Variants in EYA1 observed in about 807,000 individuals in gnomAD.
EYA1 encodes the protein EYA transcriptional coactivator and phosphatase 1, also known as protein phosphatase EYA1.
In EYA1, 16 loss-of-function variants were observed where a neutral mutation model predicts 82.0. The ratio of observed to expected loss-of-function variants is 0.20; its 90% CI spans 0.13 to 0.30. The LOEUF is 0.30. Among genes scored for constraint, EYA1 ranks in the 10% least tolerant of loss-of-function variants. The pLI, the probability that EYA1 is intolerant of heterozygous loss-of-function variation, is 1.00. For missense variants in EYA1, 633 were observed against 730.7 expected (o/e 0.87, Z 1.54); for synonymous variants, 261 against 264.4 (o/e 0.99, Z 0.12).
intron 2 of EYA1, among the ~76,000 whole-genome samples, chr8:71,462,969 G>A (rs1341816840): frequency 6.6e-6 from 1 of 152,182 alleles, no homozygotes; most frequent in Non-Finnish European, 1.5e-5. Context: ...TAGTAGCCAT[G>A]TTTTAAAAAG....
chr8:71,466,354 C>CT (rs35726467), intron 2 of EYA1, among the ~76,000 whole-genome samples: 3 of 151,002 alleles, frequency 2.0e-5, no homozygotes, highest in African/African-American at 2.4e-5. Flanking sequence ...TTTTGAAAAG[C>CT]TTTTTTTGAA....
chr8:71,415,645 G>A (rs1830813086), intron 2 of EYA1, among the ~76,000 whole-genome samples: 1 of 152,146 alleles, frequency 6.6e-6, no homozygotes. Context: ...AGTTCTACCT[G>A]GCCTGGTGTG....
intron 9 of EYA1, among the ~76,000 whole-genome samples, chr8:71,287,116 A>G (rs912591751): frequency 4.6e-5 from 7 of 151,760 alleles, no homozygotes; most frequent in African/African-American, 1.4e-4. Flanking sequence ...TTTTTTTTAG[A>G]TTTTGGCATA....
intron 11 of EYA1, among the ~76,000 whole-genome samples, chr8:71,263,371 A>C (rs1397772815): frequency 6.6e-6 from 1 of 152,218 alleles, no homozygotes; most frequent in Admixed American, 6.5e-5. Flanking sequence ...CACTACTATT[A>C]TTTGTACCAC....
intron 7 of EYA1, among the ~76,000 whole-genome samples, chr8:71,311,686 A>T (rs567228426): frequency 2.0e-5 from 3 of 152,364 alleles, no homozygotes; most frequent in Admixed American, 6.5e-5. Context: ...ACAGTTGTTT[A>T]TGAAGAAGAA....
At chr8:71,380,544 C>T (rs555166097) in intron 2 of EYA1, among the ~76,000 whole-genome samples, 6 of 152,300 alleles carry the variant, frequency 3.9e-5, no homozygotes, top group African/African-American at 9.6e-5. Context: ...TTCTGAGATG[C>T]TAGTAGTTCC....
At chr8:71,227,111 A>C (rs1481668069) in intron 12 of EYA1, among the ~76,000 whole-genome samples, 10 of 152,190 alleles carry the variant, frequency 6.6e-5, no homozygotes, top group Admixed American at 2.0e-4. Flanking sequence ...CTAAAGGCTG[A>C]ATTAATGTGT....
rs1260072162 is a variant in EYA1 at position 71,304,864 on chromosome 8, CCGA to C, written c.557-5147_557-5145del. ...TGCCAACACTACCAGATGGATTTCA[CCGA>C]AGTTTAGAACGCCACAAAGCAAAGG... On this transcript the variant is annotated intron_variant, in intron 7 of 17. Coordinates refer to ENST00000340726, the MANE Select transcript of EYA1 (RefSeq NM_000503.6). Among the ~76,000 whole-genome samples, 16 of 142,356 alleles carry C rather than the reference CCGA, an allele frequency of 1.1e-4. 2 individuals are homozygous for C. The highest frequency in any genetic ancestry group is 1.1e-3 in the Admixed American group (16 of 14,314). 93.4% of individuals were successfully genotyped at this position (142,356 alleles called of 152,430 possible).
At chr8:71,394,949 G>A (rs369471953) in intron 2 of EYA1, among the ~76,000 whole-genome samples, 1 of 152,076 alleles carries the variant, frequency 6.6e-6, no homozygotes, top group Non-Finnish European at 1.5e-5. Context: ...CCATTTGTTT[G>A]TATCCTCTTT....
intron 2 of EYA1, among the ~76,000 whole-genome samples, chr8:71,415,238 A>G (rs1400744627): frequency 1.3e-5 from 2 of 152,178 alleles, no homozygotes; most frequent in African/African-American, 4.8e-5. Context: ...GTTCTCATTA[A>G]TTTTGGTTCT....
chr8:71,477,845 A>G (rs1462958111), intron 2 of EYA1, among the ~76,000 whole-genome samples: 1 of 152,214 alleles, frequency 6.6e-6, no homozygotes, highest in Non-Finnish European at 1.5e-5. Flanking sequence ...CAGCTGATAA[A>G]CAGAAAAATA....
intron 12 of EYA1, among the ~76,000 whole-genome samples, chr8:71,241,566 T>C (rs1004608017): frequency 1.1e-4 from 16 of 152,014 alleles, no homozygotes; most frequent in African/African-American, 3.4e-4. Flanking sequence ...TAGAAGAAAA[T>C]AAGACCAAAA....
chr8:71,385,532 C>T (rs1174558471), intron 2 of EYA1, among the ~76,000 whole-genome samples: 4 of 152,180 alleles, frequency 2.6e-5, no homozygotes, highest in Admixed American at 2.6e-4. Context: ...TTATATAATA[C>T]TTTATTTATA....
chr8:71,225,034 C>T (rs866472293), intron 12 of EYA1: 16 of 268,200 alleles, frequency 6.0e-5, no homozygotes, highest in Admixed American at 3.7e-4. Context: ...GTGTAGGCTC[C>T]GTGATAAAGA....
At position 71,244,593 on chromosome 8, in the gene EYA1, T is replaced by A. The variant is rs752402472; in HGVS notation, c.1140+10A>T. ...ACATGCAAAAATATGTATTAAAAAT[T>A]AGAACTTACTTCTAAGTCATTAAAA... On this transcript the variant is annotated intron_variant, in intron 12 of 17. Transcript: ENST00000340726. 2 of 1,438,172 alleles carry A rather than the reference T, an allele frequency of 1.4e-6. No individual in the cohort carries two copies. Among genetic ancestry groups the A allele is most frequent in the African/African-American group, 1.4e-5 (1 of 70,816 alleles). 89.1% of individuals were successfully genotyped at this position (1,438,172 alleles called of 1,614,324 possible). A position where few individuals can be genotyped will look rare whatever the true frequency, so the allele number is the denominator to read the frequency against.
At chr8:71,262,937 T>C (rs894964491) in intron 11 of EYA1, among the ~76,000 whole-genome samples, 1 of 152,186 alleles carries the variant, frequency 6.6e-6, no homozygotes, top group African/African-American at 2.4e-5. Flanking sequence ...TTGGCATTGA[T>C]ATACAAGGAA....
chr8:71,376,696 C>T (rs1486003059), intron 2 of EYA1, among the ~76,000 whole-genome samples: 1 of 152,148 alleles, frequency 6.6e-6, no homozygotes, highest in African/African-American at 2.4e-5. Context: ...AGGATGACTG[C>T]AGTCTCTCCG....
Position 71,317,676 on chromosome 8 carries a change from T to C in EYA1, c.432A>G (p.Ala144=). ...YGISSYGALW[A]GIKTEGGLSQ... Reference sequence around the variant, plus strand: ...ACAATCCACCTTCAGTCTTGATGCCTGCCCACAATGCACCTAAATCAGTTA... The same window carrying C: ...ACAATCCACCTTCAGTCTTGATGCCCGCCCACAATGCACCTAAATCAGTTA... The change falls in exon 7 of 18, where the codon GCA becomes GCG. Residue 144 remains alanine, a synonymous_variant. Transcript: ENST00000340726. 6.2e-7 allele frequency: 1 copy of C among 1,614,160 alleles called. No individual in the cohort carries two copies. The highest frequency in any genetic ancestry group is 8.5e-7 in the Non-Finnish European group (1 of 1,179,976).
At chr8:71,277,477 C>T (rs1370432158) in intron 9 of EYA1, among the ~76,000 whole-genome samples, 1 of 152,108 alleles carries the variant, frequency 6.6e-6, no homozygotes, top group Non-Finnish European at 1.5e-5. Flanking sequence ...CAACTCCTTA[C>T]CCTCTCCGCT....
Sources: allele counts gnomAD v4.1 joint callset (sites outside exome capture counted in the v4.1 genomes callset), GRCh38; gene constraint gnomAD v4.1.1; transcripts MANE v1.5; gene names NCBI Gene and HGNC (gene_info 2026-07-23, HGNC 2026-07-21).